The following ATG7 variants were observed in gnomAD, a reference collection of about 807,000 sequenced individuals.
ATG7 encodes the protein ubiquitin-like modifier-activating enzyme ATG7.
ATG7 carries 70 observed loss-of-function variants against 82.4 expected under a neutral mutation model. The observed-to-expected ratio is 0.85, with a 90% confidence interval of 0.70 to 1.04. The LOEUF (loss-of-function observed/expected upper bound fraction) is 1.04. Among genes scored for constraint, ATG7 ranks in the 50% least tolerant of loss-of-function variants. The pLI, the probability that ATG7 is intolerant of heterozygous loss-of-function variation, is 0.00. For missense variants in ATG7, 792 were observed against 864.3 expected (o/e 0.92, Z 1.05); for synonymous variants, 287 against 313.0 (o/e 0.92, Z 0.88).
At chr3:11,389,416 A>G (rs1009869253) in intron 19 of ATG7, among the ~76,000 whole-genome samples, 13 of 143,018 alleles carry the variant, frequency 9.1e-5, no homozygotes, top group African/African-American at 2.8e-4. Flanking sequence ...TAATTCTTTC[A>G]TTATGAAAGT....
At chr3:11,371,899 T>C (rs562498400) in intron 18 of ATG7, among the ~76,000 whole-genome samples, 4 of 151,460 alleles carry the variant, frequency 2.6e-5, no homozygotes, top group African/African-American at 9.7e-5. Flanking sequence ...GGAAGCTAAT[T>C]AGACACGCAC....
At chr3:11,559,563 C>A, downstream of ATG7, 2 of 1,392,994 alleles carry the variant, frequency 1.4e-6, no homozygotes, top group East Asian at 2.8e-5. Context: ...CCCTTCCTGA[C>A]CCAGTCTGCC....
At chr3:11,496,119 T>A (rs1423698630) in intron 20 of ATG7, among the ~76,000 whole-genome samples, 1 of 152,072 alleles carries the variant, frequency 6.6e-6, no homozygotes, top group Non-Finnish European at 1.5e-5. Context: ...GCCCATTCCG[T>A]GAGAGGAAAG....
intron 20 of ATG7, among the ~76,000 whole-genome samples, chr3:11,523,583 G>A (rs1049491653): frequency 2.6e-5 from 4 of 152,186 alleles, no homozygotes; most frequent in Non-Finnish European, 1.5e-5. Context: ...CCTTTGGGAG[G>A]GCCAGGCTTC....
intron 2 of ATG7, among the ~76,000 whole-genome samples, 191 bp from the exon 3 acceptor site, chr3:11,282,002 G>A (rs1391838822): frequency 6.6e-6 from 1 of 152,114 alleles, no homozygotes; most frequent in East Asian, 1.9e-4. Context: ...GTTGGCATAG[G>A]GCTCCACAGT....
chr3:11,320,663 A>G (rs1190378073), intron 9 of ATG7, among the ~76,000 whole-genome samples: 1 of 152,236 alleles, frequency 6.6e-6, no homozygotes, highest in East Asian at 1.9e-4. Flanking sequence ...CTACCAGGAC[A>G]GGTACCCTAT....
At chr3:11,504,672 T>G (rs1004589398) in intron 20 of ATG7, among the ~76,000 whole-genome samples, 1 of 151,974 alleles carries the variant, frequency 6.6e-6, no homozygotes, top group African/African-American at 2.4e-5. Context: ...TGGCAGAGAG[T>G]TTGCGATTAA....
chr3:11,306,625 A>G (rs543862867), intron 5 of ATG7, among the ~76,000 whole-genome samples: 1 of 152,234 alleles, frequency 6.6e-6, no homozygotes, highest in Non-Finnish European at 1.5e-5. Context: ...AACTGTGCAC[A>G]GCTCAACAAA....
At chr3:11,394,468 G>A (rs2079054191) in intron 19 of ATG7, among the ~76,000 whole-genome samples, 5 of 152,204 alleles carry the variant, frequency 3.3e-5, no homozygotes, top group Admixed American at 3.3e-4. Flanking sequence ...CAAAGCCGTA[G>A]TATTAGGGCA....
At chr3:11,435,505 G>GT (rs1188537442) in intron 20 of ATG7, among the ~76,000 whole-genome samples, 1 of 152,176 alleles carries the variant, frequency 6.6e-6, no homozygotes, top group Non-Finnish European at 1.5e-5. Context: ...TGCTGAATGT[G>GT]TAATAACAGG....
rs759227221 is a variant in ATG7, at chr3:11,331,385, GGAT to G, written c.726_728del (p.Trp243del). 1 of 1,613,870 alleles carries G rather than the reference GGAT, an allele frequency of 6.2e-7. No individual in the cohort carries two copies. Among genetic ancestry groups the G allele is most frequent in the East Asian group, 2.2e-5 (1 of 44,880 alleles). On this transcript the variant is annotated inframe_deletion, in exon 10 of 21. Transcript: ENST00000693202. ...TCCCTGTAACTTAGCCCAGTACCCTGGATGGCCTTTGAGGAATTTTTTGGTCCT... is the reference window on the plus strand; with the variant it reads ...TCCCTGTAACTTAGCCCAGTACCCTGGGCCTTTGAGGAATTTTTTGGTCCT...
intron 20 of ATG7, among the ~76,000 whole-genome samples, chr3:11,525,713 C>T (rs1302540614): frequency 6.6e-6 from 1 of 151,914 alleles, no homozygotes; most frequent in Non-Finnish European, 1.5e-5. Context: ...CGCCACCACA[C>T]CTGGCTAATT....
intron 3 of ATG7, among the ~76,000 whole-genome samples, chr3:11,295,864 G>A (rs1003776059): frequency 6.7e-6 from 1 of 149,490 alleles, no homozygotes; most frequent in Non-Finnish European, 1.5e-5. Context: ...TCGGTTCACT[G>A]CAACCTCTGT....
downstream of ATG7, chr3:11,558,634 G>A (rs200748768): frequency 1.1e-4 from 184 of 1,610,218 alleles, no homozygotes; most frequent in East Asian, 2.5e-4. Flanking sequence ...TGCGAGAGGC[G>A]GACTCAGGGC....
At chr3:11,378,053 A>T (rs184435812) in intron 18 of ATG7, among the ~76,000 whole-genome samples, 55 of 59,358 alleles carry the variant, frequency 9.3e-4, no homozygotes, top group African/African-American at 7.5e-3. Flanking sequence ...TTTGAGATGG[A>T]GTCTTACTCT....
At chr3:11,292,506 C>T (rs56215206) in intron 3 of ATG7, among the ~76,000 whole-genome samples, 3,675 of 152,140 alleles carry the variant, frequency 0.024, 151 homozygotes, top group African/African-American at 0.081. Context: ...GTGATCTGCC[C>T]GCCTTGGCCT....
the ATG7 span, among the ~76,000 whole-genome samples, chr3:11,565,628 T>A: frequency 6.6e-6 from 1 of 151,970 alleles, no homozygotes; most frequent in African/African-American, 2.4e-5. This position sits in a 1 kb window ranked among gnomAD's most constrained non-coding sequence, Gnocchi z 4.1. Context: ...GTTCCCGGGG[T>A]GCTGTAGGGA....
chr3:11,396,224 A>C (rs1032465477), intron 19 of ATG7, among the ~76,000 whole-genome samples: 1 of 152,154 alleles, frequency 6.6e-6, no homozygotes, highest in Non-Finnish European at 1.5e-5. Flanking sequence ...AGGCAAGCGC[A>C]TCACTTGAGG....
chr3:11,474,191 T>TG (rs1240962540), intron 20 of ATG7, among the ~76,000 whole-genome samples: 1 of 152,238 alleles, frequency 6.6e-6, no homozygotes, highest in Non-Finnish European at 1.5e-5. Flanking sequence ...TTCTAAGCAC[T>TG]GGGGACAGTG....
Sources: gnomAD v4.1 joint callset for allele counts (sites outside exome capture counted in the v4.1 genomes callset) on GRCh38, gnomAD v4.1.1 for gene constraint, Gnocchi (gnomAD v3.1) non-coding constraint, MANE v1.5 for transcripts, NCBI Gene and HGNC (gene_info 2026-07-23, HGNC 2026-07-21) for gene names.